TUT1: variants seen among roughly 807,000 people sequenced by gnomAD.
TUT1 encodes speckle targeted PIP5K1A-regulated poly(A) polymerase.
In TUT1, 26 loss-of-function variants were observed where a neutral mutation model predicts 48.8. That is an observed-to-expected ratio of 0.53 (90% CI 0.39 to 0.74). The LOEUF is 0.74. Ranked by LOEUF, TUT1 falls within the 30% of genes least tolerant of loss-of-function variation. The probability of loss-of-function intolerance (pLI) is 0.00; values close to 1 mark genes in which losing one functional copy is unlikely to be tolerated. For missense variants in TUT1, 1,065 were observed against 1,114.8 expected (o/e 0.96, Z 0.64); for synonymous variants, 470 against 460.8 (o/e 1.02, Z -0.26).
At position 62,589,092 on chromosome 11, in the gene TUT1, T is replaced by A. The variant is rs749641337; in HGVS notation, c.212A>T (p.Gln71Leu). Reference sequence around the variant, plus strand: ...AAATGCTAGGAAGTACTCAGAGAGCTGAGCAGAATCCACATCCCTGGGAAA... The same window carrying A: ...AAATGCTAGGAAGTACTCAGAGAGCAGAGCAGAATCCACATCCCTGGGAAA... ...SGFPRDVDSA[Q>L]LSEYFLAFGP... The change falls in exon 2 of 9, where the codon CAG becomes CTG. Residue 71 changes from glutamine to leucine, a missense_variant. By Grantham distance (113) the Gln-to-Leu change is moderately radical. Coordinates refer to ENST00000476907, the MANE Select transcript of TUT1 (RefSeq NM_022830.3). 12 of 1,614,122 alleles carry A rather than the reference T, an allele frequency of 7.4e-6. No homozygotes were observed. The African/African-American group carries it at 1.3e-4, about 18-fold the overall frequency.
In TUT1 at chr11:62,581,206, C is replaced by T. The variant is rs1174156355; in HGVS notation, c.590G>A (p.Gly197Asp). ...MQEVFTEFFP[G>D]CVVHPFGSSI... Reference sequence around the variant, plus strand: ...AGAGCCAAAAGGGTGGACCACACAGCCTGGGTGCCGAGCAGAGAAGAAAGG... The same window carrying T: ...AGAGCCAAAAGGGTGGACCACACAGTCTGGGTGCCGAGCAGAGAAGAAAGG... Residue 197 changes from glycine to aspartate, a missense_variant and splice_region_variant, in exon 4 of 9, where the codon GGC becomes GAC. Physicochemically the swap from Gly to Asp is moderately conservative, Grantham distance 94. Transcript: ENST00000476907. 3 of 1,613,892 alleles carry T rather than the reference C, an allele frequency of 1.9e-6. No homozygotes were observed. Among genetic ancestry groups the T allele is most frequent in the East Asian group, 2.2e-5 (1 of 44,884 alleles).
rs376663677 is a variant in TUT1 at position 62,578,919 on chromosome 11, C to T, written c.802G>A (p.Ala268Thr). The T allele has an allele frequency of 4.9e-5, 77 of 1,575,230 alleles. No individual in the cohort carries two copies. Among genetic ancestry groups the T allele is most frequent in the Non-Finnish European group, 6.2e-5 (72 of 1,160,240 alleles). ...AGGGCTTCAGAATCCTGGGGAGAAG[C>T]AGGAGGTTGTGAATCTGGAGGGGAA... ...PASPPDSQPP[A>T]SPQDSEALDF... is the part of the protein sequence containing the mutation. Residue 268 changes from alanine to threonine, a missense_variant, in exon 5 of 9, where the codon GCT (alanine) becomes ACT (threonine). Ala to Thr is a moderately conservative substitution (Grantham distance 58). Transcript: ENST00000476907.
intron 2 of TUT1, among the ~76,000 whole-genome samples, chr11:62,585,874 C>A (rs974316639): frequency 6.6e-6 from 1 of 151,820 alleles, no homozygotes; most frequent in Admixed American, 6.6e-5. Flanking sequence ...TTTGGGAGGC[C>A]GAGGCAGGCG....
Position 62,575,790 on chromosome 11 carries a change from C to G in TUT1, c.1929G>C (p.Arg643=). 1.2e-6 allele frequency: 2 copies of G among 1,614,212 alleles called. No individual in the cohort carries two copies. The highest frequency in any genetic ancestry group is 1.7e-6 in the Non-Finnish European group (2 of 1,180,042). The change falls in exon 9 of 9, where the codon CGG becomes CGC. Residue 643 remains arginine (R), a synonymous_variant. Coordinates refer to ENST00000476907, the MANE Select transcript of TUT1 (RefSeq NM_022830.3). ...ACTCCCCAGTTCCACCTCCTTCTGACCGCGTTCTCTTGGTTGCCTGTTCTA... is the reference window on the plus strand; with the variant it reads ...ACTCCCCAGTTCCACCTCCTTCTGAGCGCGTTCTCTTGGTTGCCTGTTCTA... The part of the protein sequence containing the change: ...CHIEQATKRT[R]SEGGGTGESS...
rs763483752 is a variant in TUT1, at chr11:62,578,562, G to A, written c.1159C>T (p.Arg387Trp). Residue 387 changes from arginine (R) to tryptophan (W), a missense_variant and splice_region_variant, in exon 5 of 9, where the codon CGG becomes TGG. Physicochemically the swap from Arg to Trp is moderately radical, Grantham distance 101. Transcript: ENST00000476907. The stretch of plus-strand genomic sequence containing the variant: ...TCGTCTCAAAAAAAAGAAAGGTACC[G>A]GTTACTGAGGGAGACATCACCGTGG... Reference protein sequence around the residue: ...GLHGDVSLSNRLALHNSRFLS... With the variant: ...GLHGDVSLSNWLALHNSRFLS... The A allele has an allele frequency of 2.3e-5, 36 of 1,589,746 alleles. No individual in the cohort carries two copies. In the East Asian group the frequency reaches 3.4e-4, roughly 15 times the overall value.
chr11:62,575,595 A>G lies in TUT1; in HGVS notation c.2124T>C (p.Pro708=). 1 of 1,614,118 alleles carries G rather than the reference A, an allele frequency of 6.2e-7. No homozygotes were observed. Among genetic ancestry groups the G allele is most frequent in the Non-Finnish European group, 8.5e-7 (1 of 1,180,018 alleles). ...TCAGGGGCAGGTCCCCTGGCTGCCC[A>G]GGGCTCTGCATGGCCCAGTCCTGCA... The part of the protein sequence containing the change: ...EMVQDWAMQS[P]GQPGDLPLTT... The change falls in exon 9 of 9, where the codon CCT becomes CCC. Residue 708 remains proline (P), a synonymous_variant. Transcript: ENST00000476907.
intron 2 of TUT1, among the ~76,000 whole-genome samples, chr11:62,585,833 C>T (rs955271995): frequency 3.3e-5 from 5 of 151,644 alleles, no homozygotes; most frequent in African/African-American, 1.2e-4. Context: ...CGGTGGCGCA[C>T]GCCTGTAATC....
At chr11:62,576,572 T>C in intron 8 of TUT1, 85 bp downstream of exon 8, 2 of 1,188,700 alleles carry the variant, frequency 1.7e-6, no homozygotes, top group Non-Finnish European at 2.5e-6. Flanking sequence ...GTGAGAACCA[T>C]GCCTGGCACA....
chr11:62,589,429 A>G (rs1263939848), intron 1 of TUT1, among the ~76,000 whole-genome samples: 1 of 151,890 alleles, frequency 6.6e-6, no homozygotes, highest in Non-Finnish European at 1.5e-5. Context: ...TTTTTTAAAC[A>G]GAGTCTCACT....
intron 2 of TUT1, 104 bp downstream of exon 2, chr11:62,588,927 C>G: frequency 9.1e-7 from 1 of 1,097,898 alleles, no homozygotes; most frequent in Non-Finnish European, 1.3e-6. Flanking sequence ...CTCCTAACCT[C>G]AGGTAATCCG....
In TUT1 at chr11:62,579,038, C is replaced by T. The variant is rs116766958; in HGVS notation, c.691-8G>A. On this transcript the variant is annotated splice_polypyrimidine_tract_variant and splice_region_variant and intron_variant, in intron 4 of 8. Transcript: ENST00000476907. ...TGGAGCCTTTGGGACTGGCTGTGGACAGAAATGAACTGAGTGAAATGTTTC... is the reference window on the plus strand; with the variant it reads ...TGGAGCCTTTGGGACTGGCTGTGGATAGAAATGAACTGAGTGAAATGTTTC... The T allele has an allele frequency of 1.4e-3, 2,128 of 1,498,278 alleles. 26 individuals carry two copies. In the African/African-American group the frequency reaches 0.024, roughly 17 times the overall value. 92.8% of individuals were successfully genotyped at this position (1,498,278 alleles called of 1,614,324 possible). A position where few individuals can be genotyped will look rare whatever the true frequency, so the allele number is the denominator to read the frequency against.
intron 2 of TUT1, chr11:62,582,686 T>C (rs1941850265): frequency 2.4e-6 from 1 of 418,486 alleles, no homozygotes; most frequent in African/African-American, 2.0e-5. Flanking sequence ...AACCTCATTT[T>C]ATCTACATTA....
chr11:62,578,611 C>A lies in TUT1; in HGVS notation c.1110G>T (p.Lys370Asn), dbSNP rs1017553937. ...GGAGACCTGAAGGCCGATGACAGAA[C>A]TTGACCACAGGGCGCCGGGCAGAGG... is the stretch of plus-strand genomic sequence containing the variant. ...TVPSARRPVV[K>N]FCHRPSGLHG... Residue 370 changes from lysine to asparagine, a missense_variant, in exon 5 of 9, where the codon AAG becomes AAT. Lys to Asn is a moderately conservative substitution (Grantham distance 94). Coordinates refer to ENST00000476907, the MANE Select transcript of TUT1 (RefSeq NM_022830.3). 1.2e-6 allele frequency: 2 copies of A among 1,613,694 alleles called. No individual in the cohort carries two copies. The highest frequency in any genetic ancestry group is 2.7e-5 in the African/African-American group (2 of 75,026).
At chr11:62,583,976 G>A (rs1161331401) in intron 2 of TUT1, among the ~76,000 whole-genome samples, 1 of 152,164 alleles carries the variant, frequency 6.6e-6, no homozygotes, top group African/African-American at 2.4e-5. Context: ...ACTCAACCAG[G>A]AGGATGGCTT....
intron 8 of TUT1, 47 bp downstream of exon 8, chr11:62,576,610 G>C (rs1941732704): frequency 6.6e-7 from 1 of 1,518,692 alleles, no homozygotes; most frequent in African/African-American, 1.4e-5. Context: ...GTTACCTACT[G>C]TTGATGAACA....
chr11:62,576,802 G>T lies in TUT1; in HGVS notation c.1382-53C>A, dbSNP rs574356588. ...GTCTGGAAGCAAGGAGATTGAGGGT[G>T]GGGGTAGAGAGATCTCATTCACAGA... On this transcript the variant is annotated intron_variant, in intron 7 of 8. Transcript: ENST00000476907. 47 of 1,600,470 alleles carry T rather than the reference G, an allele frequency of 2.9e-5. No individual in the cohort carries two copies. The Middle Eastern group carries it at 6.6e-4, about 23-fold the overall frequency.
In TUT1 at chr11:62,581,476, CA is replaced by C; in HGVS notation, c.498del (p.Val167TrpfsTer3). On this transcript the variant is annotated frameshift_variant, in exon 3 of 9. Coordinates refer to ENST00000476907, the MANE Select transcript of TUT1 (RefSeq NM_022830.3). LOFTEE classifies it high-confidence loss of function. Reference sequence around the variant, plus strand: ...GCCTCGGACAACTCCCTCAGCCCCACAAGCTTTATCATTTGTGCCCCCACGT... The same window carrying C: ...GCCTCGGACAACTCCCTCAGCCCCACAGCTTTATCATTTGTGCCCCCACGT... ...AADVGAQMIK[L>X]VGLRELSEAE... 1 of 1,614,204 alleles carries C rather than the reference CA, an allele frequency of 6.2e-7. No homozygotes were observed. The highest frequency in any genetic ancestry group is 1.1e-5 in the South Asian group (1 of 91,086).
Position 62,575,191 on chromosome 11 carries a change from A to G in TUT1, c.2528T>C (p.Leu843Pro), listed in dbSNP as rs752092769. The G allele has an allele frequency of 3.1e-6, 5 of 1,611,842 alleles. No homozygotes were observed. Among genetic ancestry groups the G allele is most frequent in the Non-Finnish European group, 2.5e-6 (3 of 1,178,066 alleles). Residue 843 changes from leucine to proline, a missense_variant, in exon 9 of 9, where the codon CTC becomes CCC. Coordinates refer to ENST00000476907, the MANE Select transcript of TUT1 (RefSeq NM_022830.3). ...VASVSPADRM[L>P]TVTPLQDPQG... ...GGGATCCTGGAGCGGGGTCACAGTGAGCATTCGGTCAGCCGGGGAGACAGA... is the reference window on the plus strand; with the variant it reads ...GGGATCCTGGAGCGGGGTCACAGTGGGCATTCGGTCAGCCGGGGAGACAGA...
intron 2 of TUT1, among the ~76,000 whole-genome samples, chr11:62,585,310 C>T (rs929215036): frequency 1.3e-5 from 2 of 152,158 alleles, no homozygotes; most frequent in Admixed American, 6.6e-5. Context: ...ATGCCAAACA[C>T]AGCAAAGAAC....
Sources: gnomAD v4.1 joint callset for allele counts (sites outside exome capture counted in the v4.1 genomes callset) on GRCh38, gnomAD v4.1.1 for gene constraint, MANE v1.5 for transcripts, NCBI Gene and HGNC (gene_info 2026-07-23, HGNC 2026-07-21) for gene names.